Variants in PTPRT observed in about 807,000 individuals in gnomAD.
The protein encoded by PTPRT is receptor-type tyrosine-protein phosphatase T.
A neutral mutation model predicts 176.8 loss-of-function variants in PTPRT; 56 were observed. The ratio of observed to expected loss-of-function variants is 0.32; its 90% CI spans 0.26 to 0.40. The LOEUF is 0.40. PTPRT is among the 10% of genes least tolerant of loss of function. The pLI, the probability that PTPRT is intolerant of heterozygous loss-of-function variation, is 1.00. For synonymous variants in PTPRT, 783 were observed against 739.0 expected, an observed-to-expected ratio of 1.06 and a Z score of -0.96; for missense variants, 1,540 against 1,908.2, an observed-to-expected ratio of 0.81 and a Z score of 3.60.
chr20:42,170,805 C>T (rs1317879697), intron 16 of PTPRT, among the ~76,000 whole-genome samples: 2 of 152,140 alleles, frequency 1.3e-5, no homozygotes, highest in Non-Finnish European at 2.9e-5. Flanking sequence ...CATTATGTGT[C>T]CTTTCTTATC....
At chr20:42,875,205 T>G (rs2078910769) in intron 2 of PTPRT, among the ~76,000 whole-genome samples, 1 of 152,240 alleles carries the variant, frequency 6.6e-6, no homozygotes, top group African/African-American at 2.4e-5. Context: ...ATCTGGCAGC[T>G]GTATATTCTG....
intron 1 of PTPRT, chr20:42,969,337 C>A (rs6130267): frequency 6.6e-6 from 1 of 152,166 alleles, no homozygotes; most frequent in Non-Finnish European, 1.5e-5. Context: ...GACCTGGGTT[C>A]TAAGAGCAGC....
intron 2 of PTPRT, among the ~76,000 whole-genome samples, chr20:42,850,845 C>A (rs560408913): frequency 2.0e-5 from 3 of 152,268 alleles, no homozygotes; most frequent in South Asian, 4.2e-4. Context: ...CAAAGAGCAG[C>A]CCTTGGACCA....
At chr20:42,539,067 C>T (rs1001476736) in intron 7 of PTPRT, among the ~76,000 whole-genome samples, 3 of 152,298 alleles carry the variant, frequency 2.0e-5, no homozygotes, top group Admixed American at 1.3e-4. Context: ...CCAGTCTCTT[C>T]CATTGGCAAT....
At chr20:42,260,569 C>G (rs1302331253) in intron 13 of PTPRT, among the ~76,000 whole-genome samples, 2 of 152,198 alleles carry the variant, frequency 1.3e-5, no homozygotes, top group African/African-American at 4.8e-5. Flanking sequence ...ACTGAACTGA[C>G]TGTAATTCTT....
intron 18 of PTPRT, among the ~76,000 whole-genome samples, chr20:42,138,540 A>C (rs1988481265): frequency 6.6e-6 from 1 of 152,198 alleles, no homozygotes; most frequent in African/African-American, 2.4e-5. Flanking sequence ...CTCATTTTGT[A>C]ACATTTGCAA....
intron 13 of PTPRT, among the ~76,000 whole-genome samples, chr20:42,257,965 A>T (rs1042373305): frequency 6.6e-6 from 1 of 152,100 alleles, no homozygotes; most frequent in Admixed American, 6.5e-5. Context: ...GAGCTGGGAC[A>T]TAGGCCCTGG....
intron 2 of PTPRT, among the ~76,000 whole-genome samples, chr20:42,832,344 C>T (rs1475649903): frequency 1.3e-5 from 2 of 151,986 alleles, no homozygotes; most frequent in African/African-American, 4.8e-5. Context: ...GAACAACAGG[C>T]CCTGTGGCTT....
intron 13 of PTPRT, among the ~76,000 whole-genome samples, chr20:42,273,594 T>G (rs1408287449): frequency 6.6e-6 from 1 of 152,176 alleles, no homozygotes; most frequent in Non-Finnish European, 1.5e-5. Flanking sequence ...CTACCTAGAA[T>G]CAAAGACCAT....
intron 2 of PTPRT, among the ~76,000 whole-genome samples, chr20:42,827,721 C>G (rs867615417): frequency 1.6e-4 from 24 of 152,264 alleles, no homozygotes; most frequent in African/African-American, 5.8e-4. Flanking sequence ...TGCTGCCATT[C>G]TCATAATAGT....
At chr20:43,022,128 C>T (rs958304216) in intron 1 of PTPRT, among the ~76,000 whole-genome samples, 2 of 152,206 alleles carry the variant, frequency 1.3e-5, no homozygotes, top group African/African-American at 2.4e-5. Context: ...TGAAGCTAGA[C>T]ACATTTTCCA....
chr20:42,201,950 C>CGTGTGTGTGTGT (rs11468258), intron 15 of PTPRT, among the ~76,000 whole-genome samples: 21,115 of 143,048 alleles, frequency 0.15, 1,799 homozygotes, highest in Non-Finnish European at 0.16. Context: ...AGAAAAGTTG[C>CGTGTGTGTGTGT]GTGTGTGTGT....
In PTPRT at chr20:42,161,432, C is replaced by T. The variant is rs61753667; in HGVS notation, c.2602G>A (p.Ala868Thr). The T allele has an allele frequency of 3.4e-5, 55 of 1,613,960 alleles. No individual in the cohort carries two copies. Among genetic ancestry groups the T allele is most frequent in the Non-Finnish European group, 4.2e-5 (50 of 1,180,022 alleles). Reference sequence around the variant, plus strand: ...TGCAGCAAGTCAGCCACCCGGATGGCGGGTTGGAACTGGTCCCGGGGGTAG... The same window carrying T: ...TGCAGCAAGTCAGCCACCCGGATGGTGGGTTGGAACTGGTCCCGGGGGTAG... ...MSYPRDQFQP[A>T]IRVADLLQHI... Residue 868 changes from alanine to threonine, a missense_variant, in exon 17 of 31, where the codon GCC (alanine) becomes ACC (threonine). Ala to Thr is a moderately conservative substitution (Grantham distance 58). Transcript: ENST00000373187.
At chr20:42,453,828 G>A (rs764833313) in intron 8 of PTPRT, among the ~76,000 whole-genome samples, 4 of 132,438 alleles carry the variant, frequency 3.0e-5, no homozygotes, top group African/African-American at 6.2e-5. Context: ...CCATGACCAC[G>A]CCCGGCTAAT....
At position 42,194,701 on chromosome 20, in the gene PTPRT, G is replaced by C. The variant is rs76719542; in HGVS notation, c.2491+4539C>G. 1.0e-3 allele frequency among the ~76,000 whole-genome samples: 154 copies of C among 152,258 alleles called. 2 individuals carry two copies. In the East Asian group the frequency reaches 0.025, roughly 25 times the overall value. On this transcript the variant is annotated intron_variant, in intron 16 of 30. Coordinates refer to ENST00000373187, the MANE Select transcript of PTPRT (RefSeq NM_007050.6). Reference sequence around the variant, plus strand: ...AAATCAGATTACTTAATAAAAGCTAGCATTTCTCTAAATGGAAAACAATGC... The same window carrying C: ...AAATCAGATTACTTAATAAAAGCTACCATTTCTCTAAATGGAAAACAATGC...
In PTPRT at chr20:42,806,224, C is replaced by A. The variant is rs1973609; in HGVS notation, c.215-14758G>T. Among the ~76,000 whole-genome samples, 1,099 of 151,998 alleles carry A rather than the reference C, an allele frequency of 7.2e-3. 14 individuals carry two copies. The highest frequency in any genetic ancestry group is 0.025 in the African/African-American group (1,024 of 41,474). On this transcript the variant is annotated intron_variant, in intron 2 of 30. Transcript: ENST00000373187. ...AACCTGGCCAGGTGCGGTAGCTCAC[C>A]CCTGTAATCCCAGCACTTTGGGAGT...
chr20:42,384,801 A>G (rs1415581149), intron 9 of PTPRT, among the ~76,000 whole-genome samples: 4 of 152,198 alleles, frequency 2.6e-5, no homozygotes, highest in Non-Finnish European at 5.9e-5. Context: ...AGTGTGTGAT[A>G]TCTCACTGTG....
At chr20:42,381,743 G>A (rs1416305760) in intron 9 of PTPRT, among the ~76,000 whole-genome samples, 12 of 152,090 alleles carry the variant, frequency 7.9e-5, no homozygotes, top group East Asian at 5.8e-4. Context: ...TAAATGACCC[G>A]ATTAGTCTTC....
chr20:42,813,365 C>T (rs564504260), intron 2 of PTPRT, among the ~76,000 whole-genome samples: 19 of 152,070 alleles, frequency 1.2e-4, no homozygotes, highest in African/African-American at 3.4e-4. Flanking sequence ...CCCCTGCTTG[C>T]TTGCATCCCT....
Sources: allele counts gnomAD v4.1 joint callset (sites outside exome capture counted in the v4.1 genomes callset), GRCh38; gene constraint gnomAD v4.1.1; transcripts MANE v1.5; gene names NCBI Gene and HGNC (gene_info 2026-07-23, HGNC 2026-07-21).